Variants in VTI1A observed in about 807,000 individuals in gnomAD.
VTI1A encodes the protein vesicle transport through interaction with t-SNAREs 1A.
In VTI1A, 22 loss-of-function variants were observed where a neutral mutation model predicts 34.9. The ratio of observed to expected loss-of-function variants is 0.63; its 90% CI spans 0.45 to 0.90. The LOEUF (loss-of-function observed/expected upper bound fraction) is 0.90. Among genes scored for constraint, VTI1A ranks in the 40% least tolerant of loss-of-function variants. The pLI, the probability that VTI1A is intolerant of heterozygous loss-of-function variation, is 0.00. For synonymous variants in VTI1A, 87 were observed against 97.3 expected, an observed-to-expected ratio of 0.89 and a Z score of 0.62; for missense variants, 268 against 275.6, an observed-to-expected ratio of 0.97 and a Z score of 0.20.
chr10:112,460,633 T>G lies in VTI1A; in HGVS notation c.153+51T>G, dbSNP rs554298417. The G allele has an allele frequency of 2.1e-6, 3 of 1,448,032 alleles. No individual in the cohort carries two copies. In the African/African-American group the frequency reaches 4.3e-5, roughly 21 times the overall value. The allele number at this position is 1,448,032 out of a possible 1,614,324, so 89.7% of individuals were successfully genotyped here. On this transcript the variant is annotated intron_variant, in intron 2 of 7. Coordinates refer to ENST00000393077, the MANE Select transcript of VTI1A (RefSeq NM_145206.4). The stretch of plus-strand genomic sequence containing the variant: ...AACACACAGCCAGAGCCGTTTAAGC[T>G]AATGTCTTCCTCTAGCCTGTTTTAT...
intron 3 of VTI1A, among the ~76,000 whole-genome samples, chr10:112,495,736 A>G (rs1848995945): frequency 6.6e-6 from 1 of 152,230 alleles, no homozygotes; most frequent in Non-Finnish European, 1.5e-5. Context: ...GAGGATACTT[A>G]GGGAGAGAAG....
At chr10:112,682,362 T>G (rs114623882) in intron 7 of VTI1A, among the ~76,000 whole-genome samples, 1 of 152,204 alleles carries the variant, frequency 6.6e-6, no homozygotes, top group African/African-American at 2.4e-5. Flanking sequence ...CATGTTAAAT[T>G]ATGTGTTTAA....
chr10:112,629,105 G>T (rs1312158076), intron 5 of VTI1A, among the ~76,000 whole-genome samples: 2 of 152,206 alleles, frequency 1.3e-5, no homozygotes, highest in African/African-American at 4.8e-5. Flanking sequence ...CAGGTTGTTT[G>T]CCAAGTGAAT....
intron 7 of VTI1A, among the ~76,000 whole-genome samples, chr10:112,778,539 G>A (rs1250635884): frequency 1.3e-5 from 2 of 152,196 alleles, no homozygotes; most frequent in Non-Finnish European, 2.9e-5. Context: ...AGGACAAAGA[G>A]CTTTTCCTGT....
intron 7 of VTI1A, among the ~76,000 whole-genome samples, chr10:112,756,708 A>G (rs909306248): frequency 3.9e-5 from 6 of 152,168 alleles, no homozygotes; most frequent in Non-Finnish European, 8.8e-5. Flanking sequence ...ATAGGCCAAT[A>G]GAGATATCCA....
In VTI1A at chr10:112,816,334, A is replaced by C. The variant is rs1011723288; in HGVS notation, c.*951A>C. On this transcript the variant is annotated 3_prime_UTR_variant, in exon 8 of 8. Coordinates refer to ENST00000393077, the MANE Select transcript of VTI1A (RefSeq NM_145206.4). ...CATGACTCCATCAGTGTGAAATTTC[A>C]AATGTGATTATAAATATGGGAGAGT... 4.6e-6 allele frequency: 1 copy of C among 219,190 alleles called. No individual in the cohort carries two copies. The highest frequency in any genetic ancestry group is 9.2e-6 in the Non-Finnish European group (1 of 109,138). The allele number at this position is 219,190 out of a possible 1,614,324, so 13.6% of individuals were successfully genotyped here.
chr10:112,711,736 A>G (rs1314090834), intron 7 of VTI1A, among the ~76,000 whole-genome samples: 7 of 152,316 alleles, frequency 4.6e-5, no homozygotes, highest in African/African-American at 1.7e-4. Context: ...ATTTTCTACT[A>G]TGTGGTCCAT....
intron 7 of VTI1A, among the ~76,000 whole-genome samples, chr10:112,799,001 C>T (rs1852775233): frequency 6.6e-6 from 1 of 152,198 alleles, no homozygotes; most frequent in Non-Finnish European, 1.5e-5. Flanking sequence ...TTATGCTTCT[C>T]GTGAGAGTCC....
intron 7 of VTI1A, among the ~76,000 whole-genome samples, chr10:112,753,662 CA>C (rs1220749752): frequency 1.3e-5 from 2 of 152,102 alleles, no homozygotes; most frequent in African/African-American, 2.4e-5. Context: ...TATGCAAGAG[CA>C]AAAATAGACT....
chr10:112,751,539 T>C (rs1851107678), intron 7 of VTI1A, among the ~76,000 whole-genome samples: 1 of 150,194 alleles, frequency 6.7e-6, no homozygotes, highest in Admixed American at 6.6e-5. Context: ...AAGAGACAGC[T>C]GCCCACATCT....
chr10:112,783,585 G>A (rs151016344), intron 7 of VTI1A, among the ~76,000 whole-genome samples: 27 of 152,276 alleles, frequency 1.8e-4, no homozygotes, highest in African/African-American at 6.0e-4. Flanking sequence ...TAGTTGCCGT[G>A]GCCTTTGGCT....
At chr10:112,796,335 G>A (rs1342937960) in intron 7 of VTI1A, among the ~76,000 whole-genome samples, 1 of 151,642 alleles carries the variant, frequency 6.6e-6, no homozygotes, top group Non-Finnish European at 1.5e-5. Context: ...GAACTCCAGA[G>A]GCCAAGGTTG....
chr10:112,735,625 A>C (rs1011370414), intron 7 of VTI1A, among the ~76,000 whole-genome samples: 1 of 152,318 alleles, frequency 6.6e-6, no homozygotes, highest in East Asian at 1.9e-4. Context: ...ACCTTCAAAA[A>C]ATTGTAATAA....
chr10:112,717,794 C>G (rs767826586), intron 7 of VTI1A, among the ~76,000 whole-genome samples: 2 of 152,138 alleles, frequency 1.3e-5, no homozygotes, highest in Non-Finnish European at 2.9e-5. Context: ...ACACATACCC[C>G]ACTCTTTGAT....
At chr10:112,588,921 T>A (rs1401973569) in intron 5 of VTI1A, among the ~76,000 whole-genome samples, 1 of 152,120 alleles carries the variant, frequency 6.6e-6, no homozygotes, top group Non-Finnish European at 1.5e-5. Flanking sequence ...CAGAACACAG[T>A]TCCTGGAAGG....
intron 2 of VTI1A, 36 bp from the exon 3 acceptor site, chr10:112,464,511 T>G (rs753060393): frequency 6.5e-7 from 1 of 1,536,198 alleles, no homozygotes. Context: ...AGAATAACAG[T>G]GTGTTTTAAA....
intron 5 of VTI1A, among the ~76,000 whole-genome samples, chr10:112,605,352 C>T (rs548669205): frequency 6.6e-6 from 1 of 152,258 alleles, no homozygotes; most frequent in South Asian, 2.1e-4. Context: ...ACAGAAGAAC[C>T]AACAAGTCAC....
intron 5 of VTI1A, among the ~76,000 whole-genome samples, chr10:112,543,624 T>C (rs939088681): frequency 3.9e-5 from 6 of 152,234 alleles, no homozygotes; most frequent in African/African-American, 1.4e-4. Flanking sequence ...TCCCATTCTG[T>C]AGGTTGCCTG....
intron 7 of VTI1A, among the ~76,000 whole-genome samples, chr10:112,793,714 C>T (rs1208276300): frequency 6.6e-6 from 1 of 152,198 alleles, no homozygotes; most frequent in East Asian, 1.9e-4. Flanking sequence ...TTTTTACAAA[C>T]AGGGTGGCGC....
Sources: gnomAD v4.1 joint callset for allele counts (sites outside exome capture counted in the v4.1 genomes callset) on GRCh38, gnomAD v4.1.1 for gene constraint, MANE v1.5 for transcripts, NCBI Gene and HGNC (gene_info 2026-07-23, HGNC 2026-07-21) for gene names.